Variants in DHCR24 observed in about 807,000 individuals in gnomAD.
The protein encoded by DHCR24 is delta(24)-sterol reductase.
DHCR24 carries 28 observed loss-of-function variants against 61.2 expected under a neutral mutation model. The observed-to-expected ratio is 0.46, with a 90% CI of 0.34 to 0.63. The LOEUF (loss-of-function observed/expected upper bound fraction) is 0.63. DHCR24 is among the 20% of genes least tolerant of loss of function. The probability of loss-of-function intolerance (pLI) is 0.01; values close to 1 mark genes in which losing one functional copy is unlikely to be tolerated. For missense variants in DHCR24, 538 were observed against 679.1 expected (o/e 0.79, Z 2.31); for synonymous variants, 261 against 275.9 (o/e 0.95, Z 0.54).
At chr1:54,884,699 C>A (rs1439188713) in intron 1 of DHCR24, among the ~76,000 whole-genome samples, 1 of 152,174 alleles carries the variant, frequency 6.6e-6, no homozygotes, top group East Asian at 1.9e-4. Flanking sequence ...TACTCCCCTA[C>A]CCCAGGAGGT....
At chr1:54,870,953 C>T (rs1216288434) in intron 5 of DHCR24, among the ~76,000 whole-genome samples, 1 of 152,218 alleles carries the variant, frequency 6.6e-6, no homozygotes, top group Non-Finnish European at 1.5e-5. Context: ...AATCTAGATT[C>T]CAAGGCATCA....
intron 6 of DHCR24, among the ~76,000 whole-genome samples, chr1:54,854,962 C>T (rs1281234950): frequency 6.6e-6 from 1 of 152,170 alleles, no homozygotes; most frequent in Non-Finnish European, 1.5e-5. Flanking sequence ...CCACCTCCAA[C>T]AGAGAAGACT....
intron 8 of DHCR24, 85 bp from the exon 9 acceptor site, chr1:54,852,471 C>G: frequency 6.7e-7 from 1 of 1,488,796 alleles, no homozygotes; most frequent in Non-Finnish European, 9.3e-7. Context: ...CATTCTGCAG[C>G]CCAGAAAAGG....
Position 54,851,975 on chromosome 1 carries a change from G to C in DHCR24, c.*258C>G. On this transcript the variant is annotated 3_prime_UTR_variant, in exon 9 of 9. Coordinates refer to ENST00000371269, the MANE Select transcript of DHCR24 (RefSeq NM_014762.4). The stretch of plus-strand genomic sequence containing the variant: ...AGACCCGGGCTCAGAGGGGTTAAGG[G>C]ACTCACCCAGAGTCACACAGCTAAT... The C allele has an allele frequency of 1.8e-6, 1 of 546,908 alleles. No homozygotes were observed. Among genetic ancestry groups the C allele is most frequent in the Non-Finnish European group, 3.3e-6 (1 of 303,218 alleles). The allele number at this position is 546,908 out of a possible 1,614,324, so 33.9% of individuals were successfully genotyped here. A position where few individuals can be genotyped will look rare whatever the true frequency, so the allele number is the denominator to read the frequency against.
intron 6 of DHCR24, among the ~76,000 whole-genome samples, chr1:54,855,553 G>A (rs1456711623): frequency 6.6e-6 from 1 of 152,226 alleles, no homozygotes; most frequent in Non-Finnish European, 1.5e-5. Context: ...AGTGTGGGAA[G>A]AGTGGGGACA....
intron 6 of DHCR24, among the ~76,000 whole-genome samples, chr1:54,861,165 T>A (rs1557432210): frequency 1.3e-5 from 2 of 152,220 alleles, no homozygotes; most frequent in South Asian, 4.1e-4. Flanking sequence ...CAGAAATTAC[T>A]ACCCGTGGGG....
rs369229487 is a variant in DHCR24 at position 54,854,115 on chromosome 1, C to G, written c.1140G>C (p.Gln380His). Residue 380 changes from glutamine to histidine, a missense_variant, in exon 7 of 9, where the codon CAG becomes CAC. By Grantham distance (24) the Gln-to-His change is conservative (BLOSUM62 0). Transcript: ENST00000371269. The part of the protein sequence containing the change: ...QGETLRKLYE[Q>H]HHVVQDMLVP... Reference sequence around the variant, plus strand: ...CCAGCATGTCCTGCACCACGTGGTGCTGCTCGTACAGCTTGCGCAGGGTCT... The same window carrying G: ...CCAGCATGTCCTGCACCACGTGGTGGTGCTCGTACAGCTTGCGCAGGGTCT... 2 of 1,614,114 alleles carry G rather than the reference C, an allele frequency of 1.2e-6. No individual in the cohort carries two copies. The highest frequency in any genetic ancestry group is 1.1e-5 in the South Asian group (1 of 91,076).
chr1:54,886,485 G>T, intron 1 of DHCR24: 2 of 786,574 alleles, frequency 2.5e-6, no homozygotes, highest in Non-Finnish European at 3.7e-6. Context: ...CGGCTTCCCA[G>T]CATTTGCTCA....
chr1:54,883,933 C>T lies in DHCR24; in HGVS notation c.232-160G>A, dbSNP rs560363118. ...TGCTGGCCCTACCCTCTGGCACCTC[C>T]CTGGCCAGCAAGGCTGACAGAAAAG... On this transcript the variant is annotated intron_variant, in intron 1 of 8. Transcript: ENST00000371269. The surrounding 1 kb of genome is among the most constrained non-coding windows in gnomAD (Gnocchi z 4.3). Among the ~76,000 whole-genome samples the T allele has an allele frequency of 3.1e-4, 47 of 152,354 alleles. 1 individual carries two copies. The highest frequency in any genetic ancestry group is 6.5e-4 in the Admixed American group (10 of 15,304).
At chr1:54,878,864 C>T (rs1333554362) in intron 2 of DHCR24, among the ~76,000 whole-genome samples, 1 of 152,106 alleles carries the variant, frequency 6.6e-6, no homozygotes. Context: ...TTTTACCAGG[C>T]ATACAGAGGC....
In DHCR24 at chr1:54,883,167, C is replaced by T. The variant is rs1647073376; in HGVS notation, c.387+451G>A. Among the ~76,000 whole-genome samples, 1 of 152,044 alleles carries T rather than the reference C, an allele frequency of 6.6e-6. No homozygotes were observed. Among genetic ancestry groups the T allele is most frequent in the Admixed American group, 6.6e-5 (1 of 15,266 alleles). On this transcript the variant is annotated intron_variant, in intron 2 of 8. Coordinates refer to ENST00000371269, the MANE Select transcript of DHCR24 (RefSeq NM_014762.4). The surrounding 1 kb of genome is among the most constrained non-coding windows in gnomAD (Gnocchi z 4.3). ...GTATCTTTATACTGAAGCCTATTTC[C>T]TTTTTCCTTAAGCCAGGTTTCGAGA...
chr1:54,863,743 T>C (rs938810353), intron 6 of DHCR24, among the ~76,000 whole-genome samples: 1 of 152,168 alleles, frequency 6.6e-6, no homozygotes, highest in Non-Finnish European at 1.5e-5. Context: ...TCAAAGGACG[T>C]TACCAAGACA....
intron 5 of DHCR24, among the ~76,000 whole-genome samples, chr1:54,866,773 C>T (rs1646970504): frequency 6.6e-6 from 1 of 152,226 alleles, no homozygotes; most frequent in African/African-American, 2.4e-5. Context: ...GGTAAGGCCA[C>T]CCTGCTGGTG....
chr1:54,854,722 C>T (rs572625820), intron 6 of DHCR24, among the ~76,000 whole-genome samples: 33 of 152,274 alleles, frequency 2.2e-4, no homozygotes, highest in Non-Finnish European at 4.4e-4. Context: ...CCAGAGACAG[C>T]GCTCATGGGG....
chr1:54,860,478 G>A (rs1646929790), intron 6 of DHCR24, among the ~76,000 whole-genome samples: 1 of 152,132 alleles, frequency 6.6e-6, no homozygotes, highest in South Asian at 2.1e-4. Context: ...ACGGAGGTGA[G>A]GTAGGGTCCC....
chr1:54,880,032 A>G (rs547129609), intron 2 of DHCR24, among the ~76,000 whole-genome samples: 3 of 152,306 alleles, frequency 2.0e-5, no homozygotes, highest in African/African-American at 7.2e-5. Context: ...AACAACACAC[A>G]CACACAAAGG....
At chr1:54,869,294 T>C (rs1310828853) in intron 5 of DHCR24, among the ~76,000 whole-genome samples, 1 of 152,164 alleles carries the variant, frequency 6.6e-6, no homozygotes, top group East Asian at 1.9e-4. Flanking sequence ...TCACAGACCA[T>C]TACTACAAGT....
At chr1:54,882,637 A>G (rs1647069679) in intron 2 of DHCR24, among the ~76,000 whole-genome samples, 1 of 152,222 alleles carries the variant, frequency 6.6e-6, no homozygotes, top group Non-Finnish European at 1.5e-5. Flanking sequence ...CATCCACACA[A>G]TATGTGTGGG....
Position 54,883,512 on chromosome 1 carries a change from C to T in DHCR24, c.387+106G>A. 7.3e-7 allele frequency: 1 copy of T among 1,362,150 alleles called. No homozygotes were observed. Among genetic ancestry groups the T allele is most frequent in the Non-Finnish European group, 1.0e-6 (1 of 954,126 alleles). 84.4% of individuals were successfully genotyped at this position (1,362,150 alleles called of 1,614,324 possible). On this transcript the variant is annotated intron_variant, in intron 2 of 8. Coordinates refer to ENST00000371269, the MANE Select transcript of DHCR24 (RefSeq NM_014762.4). The surrounding 1 kb of genome is among the most constrained non-coding windows in gnomAD (Gnocchi z 4.3). ...TCTTCTATGACTGTGGGCATTGGTC[C>T]TGTCCACTCTGCAATGCCCTTGGCT...
Sources: gnomAD v4.1 joint callset for allele counts (sites outside exome capture counted in the v4.1 genomes callset) on GRCh38, gnomAD v4.1.1 for gene constraint, Gnocchi (gnomAD v3.1) non-coding constraint, MANE v1.5 for transcripts, NCBI Gene and HGNC (gene_info 2026-07-23, HGNC 2026-07-21) for gene names.